Variants in LENG8 observed in about 807,000 individuals in gnomAD.
LENG8 encodes leukocyte receptor cluster (LRC) member 8.
In LENG8, 28 loss-of-function variants were observed where a neutral mutation model predicts 102.1. The ratio of observed to expected loss-of-function variants is 0.27; its 90% CI spans 0.20 to 0.38. The LOEUF is 0.38. Ranked by LOEUF, LENG8 falls within the 10% of genes least tolerant of loss-of-function variation. LENG8 has a pLI of 1.00. For missense variants in LENG8, 1,022 were observed against 1,113.9 expected (o/e 0.92, Z 1.17); for synonymous variants, 531 against 456.7 (o/e 1.16, Z -2.07).
At chr19:54,450,752 C>T (rs1281132428) in intron 1 of LENG8, among the ~76,000 whole-genome samples, 3 of 152,002 alleles carry the variant, frequency 2.0e-5, no homozygotes, top group Non-Finnish European at 4.4e-5. Flanking sequence ...TCCCTAGTAG[C>T]TGGGATTACA....
chr19:54,451,499 G>A, intron 2 of LENG8, 117 bp downstream of exon 2: 1 of 1,012,216 alleles, frequency 9.9e-7, no homozygotes, highest in African/African-American at 1.6e-5. Context: ...CACAATCCCT[G>A]TGGGTGGGGG....
chr19:54,454,498 G>C lies in LENG8; in HGVS notation c.495G>C (p.Gln165His), dbSNP rs747307697. ...QAPPQQLPSA[Q>H]PPQPSNPPHG... ...CCCCTCAGCAGCTGCCGTCGGCTCA[G>C]CCCCCTCAGCCCTCAAATCCCCCAC... The change falls in exon 6 of 16, where the codon CAG (glutamine) becomes CAC (histidine). Residue 165 changes from glutamine (Q) to histidine (H), a missense_variant. Physicochemically the swap from Gln to His is conservative, Grantham distance 24 (BLOSUM62 0). This residue lies in a region of LENG8 where 343 missense variants were observed against 320.2 expected (regional missense o/e 1.07). Coordinates refer to ENST00000326764, the MANE Select transcript of LENG8 (RefSeq NM_052925.4). The C allele has an allele frequency of 5.0e-6, 8 of 1,613,828 alleles. No individual in the cohort carries two copies. Among genetic ancestry groups the C allele is most frequent in the Non-Finnish European group, 6.8e-6 (8 of 1,179,908 alleles).
intron 15 of LENG8, chr19:54,458,940 A>G (rs1158566093): frequency 4.0e-6 from 6 of 1,513,730 alleles, no homozygotes; most frequent in African/African-American, 2.8e-5. Context: ...CTACCAGGAC[A>G]AGGCCCAGTC....
intron 15 of LENG8, chr19:54,459,393 T>C (rs1483460316): frequency 3.0e-6 from 3 of 991,744 alleles, no homozygotes; most frequent in African/African-American, 3.5e-5. Flanking sequence ...CATGGAGGCC[T>C]TGAGAGCCTG....
At chr19:54,450,684 G>A (rs552747733) in intron 1 of LENG8, among the ~76,000 whole-genome samples, 37 of 147,138 alleles carry the variant, frequency 2.5e-4, no homozygotes, top group African/African-American at 7.8e-4. Flanking sequence ...GAGCAATGGC[G>A]CAGTCTCAGC....
rs1358051966 is a variant in LENG8 at position 54,458,225 on chromosome 19, C to T, written c.2025C>T (p.Asn675=). ...YRILYYIFTK[N]SGDITTELAY... Reference sequence around the variant, plus strand: ...TCCTCTACTACATCTTCACCAAGAACTCGGGAGGTGAGGCCCAGTCCCCAG... The same window carrying T: ...TCCTCTACTACATCTTCACCAAGAATTCGGGAGGTGAGGCCCAGTCCCCAG... The change falls in exon 14 of 16, where the codon AAC becomes AAT. Residue 675 remains asparagine, a synonymous_variant. Transcript: ENST00000326764. 2 of 1,614,256 alleles carry T rather than the reference C, an allele frequency of 1.2e-6. No homozygotes were observed. The highest frequency in any genetic ancestry group is 1.7e-6 in the Non-Finnish European group (2 of 1,180,046).
chr19:54,461,121 C>G lies in LENG8; in HGVS notation c.*193C>G. On this transcript the variant is annotated 3_prime_UTR_variant, in exon 16 of 16. Coordinates refer to ENST00000326764, the MANE Select transcript of LENG8 (RefSeq NM_052925.4). ...ATTTTTCTACGTTTTTATTTTTTGCCTCAGAGGGATGGGATTGGGGAGGAG... is the reference window on the plus strand; with the variant it reads ...ATTTTTCTACGTTTTTATTTTTTGCGTCAGAGGGATGGGATTGGGGAGGAG... 2.2e-6 allele frequency: 2 copies of G among 894,000 alleles called. No homozygotes were observed. Among genetic ancestry groups the G allele is most frequent in the Non-Finnish European group, 3.5e-6 (2 of 569,742 alleles). The allele number at this position is 894,000 out of a possible 1,614,324, so 55.4% of individuals were successfully genotyped here. A position where few individuals can be genotyped will look rare whatever the true frequency, so the allele number is the denominator to read the frequency against.
At chr19:54,449,841 C>T (rs1475440573) in intron 1 of LENG8, 1 of 152,752 alleles carries the variant, frequency 6.5e-6, no homozygotes, top group Non-Finnish European at 1.5e-5. Flanking sequence ...CTGACCTTAC[C>T]TCTAATCTCC....
At chr19:54,459,784 C>T (rs562360962) in intron 15 of LENG8, 84 of 1,105,278 alleles carry the variant, frequency 7.6e-5, no homozygotes, top group Non-Finnish European at 8.4e-5. Context: ...CAGGAGCAGA[C>T]GAGGATGTGG....
chr19:54,452,134 A>G lies in LENG8; in HGVS notation c.80A>G (p.Asn27Ser). The change falls in exon 3 of 16, where the codon AAT becomes AGT. Residue 27 changes from asparagine to serine, a missense_variant. Asn to Ser is a conservative substitution (Grantham distance 46). Transcript: ENST00000326764. ...YSMVAGAGRE[N>S]GMETPMHENP... ...ATGGTGGCTGGGGCAGGCCGAGAGA[A>G]TGGCATGGAGACGCCGATGCACGAG... 13 of 1,614,112 alleles carry G rather than the reference A, an allele frequency of 8.1e-6. No homozygotes were observed. Among genetic ancestry groups the G allele is most frequent in the Non-Finnish European group, 9.3e-6 (11 of 1,180,004 alleles).
chr19:54,454,868 T>C, intron 6 of LENG8, 83 bp from the exon 7 acceptor site: 2 of 1,567,930 alleles, frequency 1.3e-6, no homozygotes, highest in Non-Finnish European at 1.7e-6. Context: ...CGCTCCTCCC[T>C]GCATTTCCAC....
At chr19:54,453,093 C>T (rs1003495071) in intron 4 of LENG8, among the ~76,000 whole-genome samples, 9 of 152,188 alleles carry the variant, frequency 5.9e-5, no homozygotes, top group Non-Finnish European at 1.0e-4. Context: ...GAGGTCTCTG[C>T]TCAGATGCCG....
chr19:54,460,717 C>CCGG, intron 15 of LENG8, 49 bp from the exon 16 acceptor site: 1 of 1,360,248 alleles, frequency 7.4e-7, no homozygotes, highest in Non-Finnish European at 9.6e-7. Context: ...GGGCCCTCCC[C>CCGG]TGCCCTCCCG....
intron 15 of LENG8, chr19:54,459,032 C>T (rs2084399483): frequency 4.9e-6 from 7 of 1,433,970 alleles, no homozygotes; most frequent in South Asian, 1.5e-5. Flanking sequence ...GCCAGAGGCC[C>T]CTGGTCAGGC....
chr19:54,460,199 G>C, intron 15 of LENG8: 1 of 1,289,998 alleles, frequency 7.8e-7, no homozygotes, highest in Non-Finnish European at 1.0e-6. Context: ...TGTGTGTGTG[G>C]AAAGGGTAGG....
intron 1 of LENG8, chr19:54,449,610 G>T (rs1270917799): frequency 1.3e-5 from 2 of 152,256 alleles, no homozygotes; most frequent in Non-Finnish European, 2.9e-5. Context: ...GCGACGGGCG[G>T]CTCCTGCGCG....
At chr19:54,451,181 C>G (rs2083943590) in intron 1 of LENG8, 109 bp from the exon 2 acceptor site, 1 of 716,486 alleles carries the variant, frequency 1.4e-6, no homozygotes, top group African/African-American at 1.8e-5. Flanking sequence ...TTCAGTCAGC[C>G]TCCCCTTTTC....
At chr19:54,450,579 C>T (rs1392731508) in intron 1 of LENG8, among the ~76,000 whole-genome samples, 1 of 151,666 alleles carries the variant, frequency 6.6e-6, no homozygotes, top group African/African-American at 2.4e-5. Context: ...AGCATCCATC[C>T]TCTTGGTTCA....
chr19:54,449,565 G>C (rs1569284773), intron 1 of LENG8: 1 of 152,102 alleles, frequency 6.6e-6, no homozygotes, highest in African/African-American at 2.4e-5. Context: ...GCCCCGGGGC[G>C]CCCCTCACTC....
Sources: allele counts gnomAD v4.1 joint callset (sites outside exome capture counted in the v4.1 genomes callset), GRCh38; gene constraint gnomAD v4.1.1; regional missense constraint gnomAD v4.1.1; transcripts MANE v1.5; gene names NCBI Gene and HGNC (gene_info 2026-07-23, HGNC 2026-07-21).